The following SELP variants were observed in gnomAD, a reference collection of about 807,000 sequenced individuals.
SELP encodes P-selectin.
Under a neutral mutation model 104.1 loss-of-function variants are expected in SELP, and 92 were observed. That is an observed-to-expected ratio of 0.88 (90% CI 0.75 to 1.05). The LOEUF is 1.05. Ranked by LOEUF, SELP falls within the 50% of genes least tolerant of loss-of-function variation. The probability of loss-of-function intolerance (pLI) is 0.00; values close to 1 mark genes in which losing one functional copy is unlikely to be tolerated. For missense variants in SELP, 1,022 were observed against 1,017.3 expected (o/e 1.00, Z -0.06); for synonymous variants, 397 against 364.5 (o/e 1.09, Z -1.01).
intron 1 of SELP, among the ~76,000 whole-genome samples, chr1:169,625,821 C>T (rs1663346296): frequency 6.6e-6 from 1 of 152,180 alleles, no homozygotes; most frequent in East Asian, 1.9e-4. Flanking sequence ...AGACATAATT[C>T]CAGTCCTCAT....
At chr1:169,598,271 G>A (rs1357412988) in intron 10 of SELP, among the ~76,000 whole-genome samples, 1 of 152,148 alleles carries the variant, frequency 6.6e-6, no homozygotes, top group Non-Finnish European at 1.5e-5. Flanking sequence ...GACAAATGAA[G>A]TGACTATTCT....
Position 169,594,803 on chromosome 1 carries a change from A to T in SELP, c.2176T>A (p.Tyr726Asn). ...NCSNLWGNFS[Y>N]GSICSFHCLE... ...CAATGGAAAGAGCAGATTGATCCAT[A>T]ACTGAAGTTTCCCCAGAGGTTGGAG... Residue 726 changes from tyrosine to asparagine, a missense_variant, in exon 13 of 17, where the codon TAT (tyrosine) becomes AAT (asparagine). Physicochemically the swap from Tyr to Asn is moderately radical, Grantham distance 143 (BLOSUM62 -2). Coordinates refer to ENST00000263686, the MANE Select transcript of SELP (RefSeq NM_003005.4). 1 of 1,613,890 alleles carries T rather than the reference A, an allele frequency of 6.2e-7. No homozygotes were observed. Among genetic ancestry groups the T allele is most frequent in the South Asian group, 1.1e-5 (1 of 91,068 alleles).
chr1:169,605,840 T>A (rs181109193), intron 9 of SELP, among the ~76,000 whole-genome samples: 2 of 152,280 alleles, frequency 1.3e-5, no homozygotes, highest in Admixed American at 6.5e-5. Context: ...ATGAAAATCT[T>A]GCGTTTAAAA....
chr1:169,621,205 T>C (rs1207744799), intron 1 of SELP, among the ~76,000 whole-genome samples: 1 of 137,414 alleles, frequency 7.3e-6, no homozygotes, highest in Admixed American at 7.4e-5. Flanking sequence ...TGATGGATGA[T>C]GTAGGGTGCA....
At chr1:169,614,011 G>T (rs1662687508) in intron 3 of SELP, among the ~76,000 whole-genome samples, 1 of 152,208 alleles carries the variant, frequency 6.6e-6, no homozygotes, top group Non-Finnish European at 1.5e-5. Context: ...TACAAAATGG[G>T]CTGTGGTTTT....
intron 15 of SELP, among the ~76,000 whole-genome samples, chr1:169,590,656 G>A (rs1425471200): frequency 3.9e-5 from 6 of 152,086 alleles, no homozygotes. Flanking sequence ...GTTCATATAA[G>A]GATTTCCATG....
At position 169,617,349 on chromosome 1, in the gene SELP, T is replaced by G. The variant is rs745535515; in HGVS notation, c.160A>C (p.Asn54His). The G allele has an allele frequency of 1.2e-5, 20 of 1,614,046 alleles. No homozygotes were observed. Among genetic ancestry groups the G allele is most frequent in the Non-Finnish European group, 1.6e-5 (19 of 1,180,030 alleles). The stretch of plus-strand genomic sequence containing the variant: ...TTCTGGCAGTATTTACGGGAAATAT[T>G]CCATGAGTATGCTTTTGTGCTGTAA... ...YHYSTKAYSWNISRKYCQNRY... is the reference protein window; with the variant it reads ...YHYSTKAYSWHISRKYCQNRY... The change falls in exon 3 of 17, where the codon AAT becomes CAT. Residue 54 changes from asparagine (N) to histidine (H), a missense_variant. By Grantham distance (68) the Asn-to-His change is moderately conservative. Coordinates refer to ENST00000263686, the MANE Select transcript of SELP (RefSeq NM_003005.4).
At position 169,596,103 on chromosome 1, in the gene SELP, T is replaced by C. The variant is rs1429895921; in HGVS notation, c.1923A>G (p.Gln641=). The change falls in exon 12 of 17, where the codon CAA becomes CAG. Residue 641 remains glutamine (Q), a synonymous_variant. Coordinates refer to ENST00000263686, the MANE Select transcript of SELP (RefSeq NM_003005.4). ...GIASLPTPGV[Q]CPALTTPGQG... ...GCCCAGGAGTGGTGAGGGCTGGACA[T>C]TGCACCCCTGGAGTAGGAAGTGATG... 1.9e-6 allele frequency: 3 copies of C among 1,613,686 alleles called. No individual in the cohort carries two copies. Among genetic ancestry groups the C allele is most frequent in the Non-Finnish European group, 2.5e-6 (3 of 1,179,810 alleles).
intron 16 of SELP, 89 bp downstream of exon 16, chr1:169,590,058 T>C: frequency 4.5e-6 from 4 of 894,530 alleles, no homozygotes; most frequent in South Asian, 3.1e-5. Flanking sequence ...ATTTAATATA[T>C]GATTATGTAA....
chr1:169,627,658 G>A (rs950739527), intron 1 of SELP, among the ~76,000 whole-genome samples: 2 of 152,152 alleles, frequency 1.3e-5, no homozygotes, highest in African/African-American at 2.4e-5. Context: ...TCTAAACACA[G>A]TTTTTTATGT....
intron 3 of SELP, 50 bp downstream of exon 3, chr1:169,616,978 C>T: frequency 2.0e-6 from 3 of 1,486,026 alleles, no homozygotes; most frequent in East Asian, 2.3e-5. Context: ...CCAGAGAAGG[C>T]AGGGTTTTTT....
chr1:169,613,032 C>A lies in SELP; in HGVS notation c.672G>T (p.Ser224=), dbSNP rs762045625. The change falls in exon 5 of 17, where the codon TCG becomes TCT. Residue 224 remains serine, a synonymous_variant. Coordinates refer to ENST00000263686, the MANE Select transcript of SELP (RefSeq NM_003005.4). ...SHPLGNFSFN[S]QCSFHCTDGY... ...CGTCAGTGCAGTGGAAGCTGCACTGCGAGTTAAAAGAGAAGTTTCCCAGAG... is the reference window on the plus strand; with the variant it reads ...CGTCAGTGCAGTGGAAGCTGCACTGAGAGTTAAAAGAGAAGTTTCCCAGAG... The A allele has an allele frequency of 4.5e-5, 72 of 1,613,792 alleles. No individual in the cohort carries two copies. In the East Asian group the frequency reaches 1.3e-3, roughly 28 times the overall value.
At chr1:169,625,737 A>G (rs182050821) in intron 1 of SELP, among the ~76,000 whole-genome samples, 2 of 152,362 alleles carry the variant, frequency 1.3e-5, no homozygotes, top group Admixed American at 1.3e-4. Flanking sequence ...GGAAAAATAC[A>G]TAATAATTAT....
chr1:169,603,113 A>G lies in SELP; in HGVS notation c.1618T>C (p.Cys540Arg), dbSNP rs1431351831. 2 of 1,614,144 alleles carry G rather than the reference A, an allele frequency of 1.2e-6. No individual in the cohort carries two copies. Among genetic ancestry groups the G allele is most frequent in the South Asian group, 1.1e-5 (1 of 91,078 alleles). The change falls in exon 10 of 17, where the codon TGT (cysteine) becomes CGT (arginine). Residue 540 changes from cysteine to arginine, a missense_variant. Cys to Arg is a radical substitution (Grantham distance 180). Coordinates refer to ENST00000263686, the MANE Select transcript of SELP (RefSeq NM_003005.4). ...SSYKSTCQFI[C>R]DEGYSLSGPE... ...CCAGACAAAGAATATCCCTCGTCACAGATGAATTGACATGTGGATTTATAA... is the reference window on the plus strand; with the variant it reads ...CCAGACAAAGAATATCCCTCGTCACGGATGAATTGACATGTGGATTTATAA...
intron 2 of SELP, among the ~76,000 whole-genome samples, chr1:169,618,095 T>A (rs1041308988): frequency 6.6e-6 from 1 of 152,236 alleles, no homozygotes; most frequent in Non-Finnish European, 1.5e-5. Context: ...GTTTCTATGA[T>A]ACAGTCTACA....
intron 10 of SELP, among the ~76,000 whole-genome samples, chr1:169,599,436 A>G (rs1314309883): frequency 6.6e-6 from 1 of 151,862 alleles, no homozygotes; most frequent in Non-Finnish European, 1.5e-5. Flanking sequence ...TTAGTGTTCT[A>G]TTTTCACTGA....
intron 9 of SELP, 37 bp downstream of exon 9, chr1:169,606,912 A>T: frequency 6.3e-7 from 1 of 1,584,168 alleles, no homozygotes; most frequent in East Asian, 2.3e-5. Flanking sequence ...ACTGCCTACA[A>T]TTTATTTCCA....
rs1337024657 is a variant in SELP, at chr1:169,611,677, G to A, written c.962C>T (p.Ala321Val). The change falls in exon 7 of 17, where the codon GCT becomes GTT. Residue 321 changes from alanine to valine, a missense_variant and splice_region_variant. Coordinates refer to ENST00000263686, the MANE Select transcript of SELP (RefSeq NM_003005.4). ...GGCTTCCAGGTGCTGACACTGCACA[G>A]CTGGAGAGAATAACCAAGGATAAAG... ...VWTAPAPVCK[A>V]VQCQHLEAPS... 1 of 1,613,238 alleles carries A rather than the reference G, an allele frequency of 6.2e-7. No homozygotes were observed. The highest frequency in any genetic ancestry group is 8.5e-7 in the Non-Finnish European group (1 of 1,179,536).
chr1:169,599,178 C>T (rs1011758663), intron 10 of SELP, among the ~76,000 whole-genome samples: 24 of 152,026 alleles, frequency 1.6e-4, no homozygotes, highest in African/African-American at 5.8e-4. Context: ...GAAGCCTAAC[C>T]CAGATCCGGC....
Sources: gnomAD v4.1 joint callset for allele counts (sites outside exome capture counted in the v4.1 genomes callset) on GRCh38, gnomAD v4.1.1 for gene constraint, MANE v1.5 for transcripts, NCBI Gene and HGNC (gene_info 2026-07-23, HGNC 2026-07-21) for gene names.